Variants in ADGRL3 observed in about 807,000 individuals in gnomAD.
The protein encoded by ADGRL3 is adhesion G protein-coupled receptor L3.
Under a neutral mutation model 153.5 loss-of-function variants are expected in ADGRL3, and 62 were observed. The observed-to-expected ratio is 0.40, with a 90% CI of 0.33 to 0.50. ADGRL3 has a LOEUF of 0.50. ADGRL3 is among the 20% of genes least tolerant of loss of function. The probability of loss-of-function intolerance (pLI) is 0.47; values close to 1 mark genes in which losing one functional copy is unlikely to be tolerated. For synonymous variants in ADGRL3, 710 were observed against 672.5 expected, an observed-to-expected ratio of 1.06 and a Z score of -0.86; for missense variants, 1,641 against 1,859.4, an observed-to-expected ratio of 0.88 and a Z score of 2.16.
At chr4:61,241,359 G>A (rs1360374708) in intron 1 of ADGRL3, among the ~76,000 whole-genome samples, 3 of 151,976 alleles carry the variant, frequency 2.0e-5, no homozygotes, top group African/African-American at 7.2e-5. Context: ...AGAAGATCTT[G>A]AATGATAGCC....
chr4:61,906,693 G>A (rs895176250), intron 11 of ADGRL3, among the ~76,000 whole-genome samples: 11 of 151,560 alleles, frequency 7.3e-5, no homozygotes, highest in Admixed American at 5.9e-4. Context: ...ACAAACCCTT[G>A]ACACCACTTA....
intron 6 of ADGRL3, among the ~76,000 whole-genome samples, chr4:61,723,264 T>C (rs2096270748): frequency 6.6e-6 from 1 of 152,106 alleles, no homozygotes; most frequent in Admixed American, 6.6e-5. Flanking sequence ...GAAGCAGAGA[T>C]TAGTTTGTCC....
intron 8 of ADGRL3, among the ~76,000 whole-genome samples, chr4:61,777,839 G>C (rs1476702378): frequency 1.3e-5 from 2 of 152,110 alleles, no homozygotes; most frequent in East Asian, 3.8e-4. Context: ...ATTTGCTTCT[G>C]TCTGTTTATT....
chr4:61,665,643 C>A (rs1330059592), intron 5 of ADGRL3, among the ~76,000 whole-genome samples: 3 of 152,132 alleles, frequency 2.0e-5, no homozygotes, highest in Non-Finnish European at 4.4e-5. Context: ...TTTTAATACG[C>A]AAAATGATAT....
chr4:61,450,552 C>A (rs2097661198), intron 2 of ADGRL3, among the ~76,000 whole-genome samples: 1 of 152,104 alleles, frequency 6.6e-6, no homozygotes, highest in African/African-American at 2.4e-5. Flanking sequence ...ATATAGTTTG[C>A]TTTAAGACTA....
intron 6 of ADGRL3, among the ~76,000 whole-genome samples, chr4:61,680,781 C>A (rs2095319266): frequency 6.6e-6 from 1 of 151,924 alleles, no homozygotes; most frequent in Non-Finnish European, 1.5e-5. Context: ...CTCAGACCAC[C>A]TTCTTTGAGT....
chr4:62,035,713 G>T (rs2151563513), intron 23 of ADGRL3, among the ~76,000 whole-genome samples: 1 of 152,162 alleles, frequency 6.6e-6, no homozygotes, highest in South Asian at 2.1e-4. Context: ...AATATACAAT[G>T]CCTGTGCTGG....
chr4:61,959,941 T>C (rs2098981588), intron 17 of ADGRL3, among the ~76,000 whole-genome samples: 1 of 152,114 alleles, frequency 6.6e-6, no homozygotes, highest in Non-Finnish European at 1.5e-5. Flanking sequence ...GCTAATACTT[T>C]AGTATAATAC....
At chr4:61,422,907 T>A (rs2152347335) in intron 2 of ADGRL3, among the ~76,000 whole-genome samples, 1 of 152,092 alleles carries the variant, frequency 6.6e-6, no homozygotes, top group East Asian at 1.9e-4. Flanking sequence ...TGGCAAAAAA[T>A]AAGAATGTTA....
At chr4:61,560,268 T>C (rs2098789201) in intron 4 of ADGRL3, among the ~76,000 whole-genome samples, 1 of 152,050 alleles carries the variant, frequency 6.6e-6, no homozygotes, top group African/African-American at 2.4e-5. Flanking sequence ...TAATATGCAA[T>C]AAAAAACTGG....
intron 4 of ADGRL3, among the ~76,000 whole-genome samples, chr4:61,565,509 G>C (rs1417426999): frequency 6.6e-6 from 1 of 151,724 alleles, no homozygotes; most frequent in African/African-American, 2.4e-5. Context: ...TTATGCATGG[G>C]ATCTCTTCAA....
chr4:61,783,922 T>C (rs1286480011), intron 8 of ADGRL3, among the ~76,000 whole-genome samples: 1 of 152,104 alleles, frequency 6.6e-6, no homozygotes, highest in African/African-American at 2.4e-5. Flanking sequence ...GGTTAAACTA[T>C]ATGAAATTGC....
At chr4:62,015,159 AT>A (rs933011068) in intron 21 of ADGRL3, among the ~76,000 whole-genome samples, 41 of 152,120 alleles carry the variant, frequency 2.7e-4, no homozygotes, top group African/African-American at 9.6e-4. Flanking sequence ...TCCTAATCTA[AT>A]TTTCTCTTGG....
chr4:61,574,957 C>T (rs968631133), intron 4 of ADGRL3, among the ~76,000 whole-genome samples: 4 of 151,786 alleles, frequency 2.6e-5, no homozygotes, highest in Non-Finnish European at 5.9e-5. Flanking sequence ...CATCATTTTA[C>T]AGCTGCTTTC....
intron 9 of ADGRL3, among the ~76,000 whole-genome samples, chr4:61,889,841 C>T (rs1201073657): frequency 6.6e-6 from 1 of 152,178 alleles, no homozygotes; most frequent in Admixed American, 6.5e-5. Context: ...ACGTGTGTAA[C>T]TGTGTAGTTT....
intron 2 of ADGRL3, among the ~76,000 whole-genome samples, chr4:61,465,000 C>T (rs563226757): frequency 6.6e-6 from 1 of 152,190 alleles, no homozygotes; most frequent in African/African-American, 2.4e-5. Flanking sequence ...CAGAAATGTC[C>T]ATGATAAATT....
chr4:61,511,090 G>A (rs7681960), intron 3 of ADGRL3, among the ~76,000 whole-genome samples: 23,764 of 151,994 alleles, frequency 0.16, 2,579 homozygotes, highest in African/African-American at 0.3. Flanking sequence ...TATATAGGTA[G>A]CTCATGCCTG....
At chr4:61,314,510 C>G (rs1023334876) in intron 1 of ADGRL3, among the ~76,000 whole-genome samples, 4 of 152,140 alleles carry the variant, frequency 2.6e-5, no homozygotes, top group African/African-American at 7.2e-5. Context: ...GCTGGGCCCC[C>G]TACCTTGATT....
chr4:61,850,142 T>C (rs2098184135), intron 9 of ADGRL3, among the ~76,000 whole-genome samples: 1 of 152,172 alleles, frequency 6.6e-6, no homozygotes, highest in South Asian at 2.1e-4. Flanking sequence ...ATGGTCAATC[T>C]ACATTTTCTA....
Sources: gnomAD v4.1 joint callset for allele counts (sites outside exome capture counted in the v4.1 genomes callset) on GRCh38, gnomAD v4.1.1 for gene constraint, MANE v1.5 for transcripts, NCBI Gene and HGNC (gene_info 2026-07-23, HGNC 2026-07-21) for gene names.